Variants in CPVL observed in about 807,000 individuals in gnomAD.
CPVL encodes carboxypeptidase vitellogenic like.
In CPVL, 51 loss-of-function variants were observed where a neutral mutation model predicts 63.7. That is an observed-to-expected ratio of 0.80 (90% CI 0.64 to 1.01). The LOEUF is 1.01. Ranked by LOEUF, CPVL falls within the 50% of genes least tolerant of loss-of-function variation. The probability of loss-of-function intolerance (pLI) is 0.00; values close to 1 mark genes in which losing one functional copy is unlikely to be tolerated. For synonymous variants in CPVL, 195 were observed against 206.0 expected, an observed-to-expected ratio of 0.95 and a Z score of 0.46; for missense variants, 530 against 573.1, an observed-to-expected ratio of 0.92 and a Z score of 0.77.
chr7:28,999,065 A>C (rs2128123024), intron 12 of CPVL, among the ~76,000 whole-genome samples: 1 of 151,946 alleles, frequency 6.6e-6, no homozygotes, highest in Non-Finnish European at 1.5e-5. Flanking sequence ...AAAAAAAATT[A>C]GCCAGGCATG....
intron 12 of CPVL, among the ~76,000 whole-genome samples, chr7:29,005,114 G>A (rs1785053036): frequency 6.6e-6 from 1 of 151,842 alleles, no homozygotes. Flanking sequence ...TCCCCAGGCT[G>A]GTCTCAAACT....
At chr7:29,107,635 A>G (rs1232559781) in intron 3 of CPVL, among the ~76,000 whole-genome samples, 1 of 152,198 alleles carries the variant, frequency 6.6e-6, no homozygotes, top group Admixed American at 6.5e-5. Flanking sequence ...GGAGCACATT[A>G]CAAACACTGA....
chr7:29,004,982 T>C (rs1281042010), intron 12 of CPVL, among the ~76,000 whole-genome samples: 1 of 151,272 alleles, frequency 6.6e-6, no homozygotes, highest in African/African-American at 2.4e-5. Flanking sequence ...CTGCAGCCTC[T>C]GCTTGCTGAG....
intron 11 of CPVL, among the ~76,000 whole-genome samples, chr7:29,059,137 A>C (rs571753004): frequency 6.6e-6 from 1 of 152,038 alleles, no homozygotes; most frequent in South Asian, 2.1e-4. Flanking sequence ...GGAAGCTTTT[A>C]TTTATTACAT....
intron 12 of CPVL, among the ~76,000 whole-genome samples, chr7:29,019,874 A>C (rs1439069922): frequency 2.6e-5 from 4 of 152,200 alleles, no homozygotes; most frequent in African/African-American, 4.8e-5. Flanking sequence ...CACCTATACA[A>C]AATGCAGATC....
chr7:28,996,645 A>G (rs956221600), intron 12 of CPVL, among the ~76,000 whole-genome samples: 3 of 152,036 alleles, frequency 2.0e-5, no homozygotes, highest in African/African-American at 7.2e-5. Context: ...TTTTTTCCTA[A>G]TATTGGATTA....
chr7:29,103,306 C>T (rs191413197), intron 3 of CPVL, among the ~76,000 whole-genome samples: 1 of 143,178 alleles, frequency 7.0e-6, no homozygotes, highest in East Asian at 2.1e-4. Context: ...AGTGCAATAG[C>T]GTGATCTCAG....
intron 1 of CPVL, among the ~76,000 whole-genome samples, chr7:29,131,149 C>T (rs534847767): frequency 6.6e-6 from 1 of 151,612 alleles, no homozygotes; most frequent in African/African-American, 2.4e-5. Context: ...CCAGCCTGGG[C>T]AACAGAGTGA....
chr7:29,145,420 T>C (rs1792419474), intron 1 of CPVL, among the ~76,000 whole-genome samples: 2 of 151,986 alleles, frequency 1.3e-5, no homozygotes, highest in Admixed American at 1.3e-4. Context: ...GAACCAGGAA[T>C]TGCACAGAAT....
intron 12 of CPVL, among the ~76,000 whole-genome samples, chr7:29,013,695 T>C (rs181795986): frequency 6.6e-6 from 1 of 152,340 alleles, no homozygotes; most frequent in East Asian, 1.9e-4. Context: ...GTGGTAGACA[T>C]AGAGATGCAC....
chr7:29,160,939 G>A (rs947150207), intron 5 of CPVL, among the ~76,000 whole-genome samples: 4 of 152,094 alleles, frequency 2.6e-5, no homozygotes, highest in Admixed American at 6.5e-5. Flanking sequence ...TGTCACCCCT[G>A]AGATAATATT....
intron 12 of CPVL, among the ~76,000 whole-genome samples, chr7:29,007,565 AT>A (rs1430224330): frequency 6.6e-6 from 1 of 152,140 alleles, no homozygotes; most frequent in African/African-American, 2.4e-5. Flanking sequence ...AATATTTCTC[AT>A]TTTTTCTCCC....
chr7:29,021,804 C>G (rs921842282), intron 12 of CPVL, among the ~76,000 whole-genome samples: 3 of 151,896 alleles, frequency 2.0e-5, no homozygotes, highest in African/African-American at 7.3e-5. Context: ...CCGGCCCCCA[C>G]CAGACTACAT....
At position 29,021,496 on chromosome 7, in the gene CPVL, T is replaced by C. The variant is rs137932420; in HGVS notation, c.1320+9081A>G. On this transcript the variant is annotated intron_variant, in intron 12 of 12. Coordinates refer to ENST00000265394, the MANE Select transcript of CPVL (RefSeq NM_031311.5). ...AAAGTGACTGGGAACTTCTGAGGCA[T>C]AGAAGGAAAGGGAAGTGAAGCAGCT... Among the ~76,000 whole-genome samples the C allele has an allele frequency of 2.9e-3, 428 of 149,998 alleles. 1 individual carries two copies. Among genetic ancestry groups the C allele is most frequent in the African/African-American group, 9.8e-3 (405 of 41,276 alleles).
In CPVL at chr7:29,056,523, G is replaced by A. The variant is rs541713589; in HGVS notation, c.1137+7538C>T. 4.0e-5 allele frequency among the ~76,000 whole-genome samples: 6 copies of A among 151,850 alleles called. No homozygotes were observed. In the South Asian group the frequency reaches 6.2e-4, roughly 16 times the overall value. ...ATGTCTTTTCATGGCTTGATAGCTC[G>A]TTTTTTTTAGCACTGAATAAAATTT... On this transcript the variant is annotated intron_variant, in intron 11 of 12. Coordinates refer to ENST00000265394, the MANE Select transcript of CPVL (RefSeq NM_031311.5).
At chr7:29,127,910 G>A (rs1314777909) in intron 1 of CPVL, 1 of 151,972 alleles carries the variant, frequency 6.6e-6, no homozygotes, top group East Asian at 1.9e-4. Context: ...GGTCCTTGGG[G>A]CTTCGTTTTC....
intron 5 of CPVL, among the ~76,000 whole-genome samples, chr7:29,158,136 G>C (rs2128704686): frequency 6.6e-6 from 1 of 152,258 alleles, no homozygotes. Flanking sequence ...AGAGGGGAGT[G>C]GGCTGTATTG....
At chr7:29,069,780 G>GAA (rs1783547374) in intron 9 of CPVL, among the ~76,000 whole-genome samples, 1 of 19,044 alleles carries the variant, frequency 5.3e-5, no homozygotes, top group African/African-American at 1.4e-4. Flanking sequence ...ATGTGTGTGT[G>GAA]TGTGTGTGTG....
chr7:29,009,593 G>A lies in CPVL; in HGVS notation c.1321-13711C>T, dbSNP rs530230378. 9 of 152,156 alleles carry A rather than the reference G, an allele frequency of 5.9e-5. No homozygotes were observed. The East Asian group carries it at 1.5e-3, about 26-fold the overall frequency. 9.4% of individuals were successfully genotyped at this position (152,156 alleles called of 1,614,324 possible). Reference sequence around the variant, plus strand: ...AGACACAATTGAGCATATCAACATGGGTGAATCTCACATACAGCGTTGAAT... The same window carrying A: ...AGACACAATTGAGCATATCAACATGAGTGAATCTCACATACAGCGTTGAAT... On this transcript the variant is annotated intron_variant, in intron 12 of 12. Transcript: ENST00000265394.
Sources: gnomAD v4.1 joint callset for allele counts (sites outside exome capture counted in the v4.1 genomes callset) on GRCh38, gnomAD v4.1.1 for gene constraint, MANE v1.5 for transcripts, NCBI Gene and HGNC (gene_info 2026-07-23, HGNC 2026-07-21) for gene names.